The following MYO3B variants were observed in gnomAD, a reference collection of about 807,000 sequenced individuals.
MYO3B encodes myosin IIIB.
Under a neutral mutation model 174.6 loss-of-function variants are expected in MYO3B, and 156 were observed. That is an observed-to-expected ratio of 0.89 (90% CI 0.78 to 1.02). The LOEUF (loss-of-function observed/expected upper bound fraction) is 1.02, where lower values mean the gene tolerates loss of function less well. Ranked by LOEUF, MYO3B falls within the 50% of genes least tolerant of loss-of-function variation. The pLI, the probability that MYO3B is intolerant of heterozygous loss-of-function variation, is 0.00. For synonymous variants in MYO3B, 563 were observed against 569.1 expected (o/e 0.99, Z 0.15); for missense variants, 1,632 against 1,639.4 (o/e 1.00, Z 0.08).
chr2:170,547,163 C>CA (rs55824079), intron 32 of MYO3B, among the ~76,000 whole-genome samples: 2,141 of 127,996 alleles, frequency 0.017, 27 homozygotes, highest in African/African-American at 0.044. Flanking sequence ...ACTAAAAATA[C>CA]AAAAAAAAAA....
At chr2:170,442,896 C>T (rs1225322292) in intron 22 of MYO3B, among the ~76,000 whole-genome samples, 4 of 152,120 alleles carry the variant, frequency 2.6e-5, no homozygotes, top group Admixed American at 2.6e-4. Flanking sequence ...TTAATCCAGT[C>T]TTTCATTGAT....
chr2:170,186,634 C>T (rs1433326315), intron 1 of MYO3B, among the ~76,000 whole-genome samples: 2 of 152,156 alleles, frequency 1.3e-5, no homozygotes, highest in African/African-American at 4.8e-5. Context: ...ATACCGGCCC[C>T]ATAAAATGAG....
chr2:170,205,156 T>C (rs1330090600), intron 3 of MYO3B, among the ~76,000 whole-genome samples: 1 of 152,168 alleles, frequency 6.6e-6, no homozygotes, highest in Non-Finnish European at 1.5e-5. Context: ...TAAGATTCCT[T>C]TGTTGTTTTT....
intron 28 of MYO3B, among the ~76,000 whole-genome samples, chr2:170,506,095 G>A (rs1219795695): frequency 2.0e-5 from 3 of 152,176 alleles, no homozygotes; most frequent in South Asian, 4.1e-4. Context: ...AGACTCTGAC[G>A]AGGCTGGCAG....
intron 32 of MYO3B, among the ~76,000 whole-genome samples, chr2:170,643,356 A>C (rs1698126641): frequency 6.6e-6 from 1 of 152,210 alleles, no homozygotes; most frequent in Non-Finnish European, 1.5e-5. Flanking sequence ...ATTTCATGGG[A>C]GTATCCACTG....
At chr2:170,494,427 G>A (rs1297364202) in intron 25 of MYO3B, among the ~76,000 whole-genome samples, 3 of 152,066 alleles carry the variant, frequency 2.0e-5, no homozygotes, top group Admixed American at 6.6e-5. Context: ...GTCCTCGAGG[G>A]CCATCAGAAG....
At chr2:170,544,144 A>G (rs935938787) in intron 32 of MYO3B, among the ~76,000 whole-genome samples, 156 bp downstream of exon 32, 5 of 152,254 alleles carry the variant, frequency 3.3e-5, no homozygotes, top group African/African-American at 1.2e-4. Flanking sequence ...TAAAACTTGT[A>G]TTAAAGGTAG....
chr2:170,496,114 A>G (rs952568982), intron 25 of MYO3B, among the ~76,000 whole-genome samples: 1 of 152,206 alleles, frequency 6.6e-6, no homozygotes, highest in African/African-American at 2.4e-5. Context: ...GCTACTGTTC[A>G]GGTTCAGAGA....
intron 28 of MYO3B, 69 bp from the exon 29 acceptor site, chr2:170,514,852 A>T: frequency 1.4e-6 from 2 of 1,396,662 alleles, no homozygotes; most frequent in South Asian, 1.3e-5. Context: ...AACTTGTATC[A>T]CCCAGTTTGG....
intron 3 of MYO3B, among the ~76,000 whole-genome samples, chr2:170,205,166 T>C (rs1051462489): frequency 4.6e-5 from 7 of 152,338 alleles, no homozygotes; most frequent in Middle Eastern, 3.4e-3. Context: ...TTGTTGTTTT[T>C]AAATCCATAG....
chr2:170,331,598 T>G (rs10206079), intron 7 of MYO3B, among the ~76,000 whole-genome samples: 98,775 of 151,988 alleles, frequency 0.65, 32,265 homozygotes, highest in Admixed American at 0.71. Flanking sequence ...TGTTATCTTA[T>G]GGTTCTTTAA....
At chr2:170,310,917 C>T (rs930703214) in intron 7 of MYO3B, among the ~76,000 whole-genome samples, 14 of 152,016 alleles carry the variant, frequency 9.2e-5, no homozygotes, top group African/African-American at 3.4e-4. Flanking sequence ...GCATGTTAGA[C>T]CCCCCACTTC....
intron 3 of MYO3B, among the ~76,000 whole-genome samples, chr2:170,202,914 A>G (rs985048823): frequency 1.3e-5 from 2 of 152,214 alleles, no homozygotes; most frequent in Non-Finnish European, 2.9e-5. Context: ...ATTCTAGAGG[A>G]TAGAAAAATG....
At chr2:170,484,287 T>C (rs761208043) in intron 25 of MYO3B, among the ~76,000 whole-genome samples, 1 of 152,182 alleles carries the variant, frequency 6.6e-6, no homozygotes, top group African/African-American at 2.4e-5. Flanking sequence ...ATGTGGATGA[T>C]GGAGTCAGGA....
intron 7 of MYO3B, among the ~76,000 whole-genome samples, chr2:170,303,066 TAAC>T (rs909826890): frequency 1.3e-5 from 2 of 152,206 alleles, no homozygotes; most frequent in African/African-American, 4.8e-5. Flanking sequence ...TCTAGTCACT[TAAC>T]AATATATTTT....
chr2:170,513,753 A>C (rs959719121), intron 28 of MYO3B, among the ~76,000 whole-genome samples: 1 of 152,048 alleles, frequency 6.6e-6, no homozygotes, highest in Non-Finnish European at 1.5e-5. Context: ...TCTTTAATTT[A>C]CTTTGAGGCA....
intron 22 of MYO3B, among the ~76,000 whole-genome samples, chr2:170,415,154 G>T (rs910678729): frequency 6.6e-6 from 1 of 152,190 alleles, no homozygotes; most frequent in Admixed American, 6.5e-5. Flanking sequence ...CTTTGTTCCC[G>T]ATCCTGAGGT....
chr2:170,318,869 C>T (rs73978336), intron 7 of MYO3B, among the ~76,000 whole-genome samples: 5 of 152,106 alleles, frequency 3.3e-5, no homozygotes, highest in Non-Finnish European at 7.4e-5. Flanking sequence ...TTAGTATTAG[C>T]CCTAGTGGTG....
At chr2:170,187,426 T>C (rs1574544375) in intron 1 of MYO3B, among the ~76,000 whole-genome samples, 1 of 152,256 alleles carries the variant, frequency 6.6e-6, no homozygotes, top group East Asian at 1.9e-4. Context: ...GAGATGAGGT[T>C]TCACCATGTT....
Sources: gnomAD v4.1 joint callset for allele counts (sites outside exome capture counted in the v4.1 genomes callset) on GRCh38, gnomAD v4.1.1 for gene constraint, MANE v1.5 for transcripts, NCBI Gene and HGNC (gene_info 2026-07-23, HGNC 2026-07-21) for gene names.